The following LRRC61 variants were observed in gnomAD, a reference collection of about 807,000 sequenced individuals.
The protein encoded by LRRC61 is leucine rich repeat containing 61.
LRRC61 carries 9 observed loss-of-function variants against 15.1 expected under a neutral mutation model. That is an observed-to-expected ratio of 0.60 (90% confidence interval 0.36 to 1.04). The LOEUF (loss-of-function observed/expected upper bound fraction) is 1.04, where lower values mean the gene tolerates loss of function less well. LRRC61 is among the 50% of genes least tolerant of loss of function. The probability of loss-of-function intolerance (pLI) is 0.01; values close to 1 mark genes in which losing one functional copy is unlikely to be tolerated. For synonymous variants in LRRC61, 173 were observed against 158.6 expected, an observed-to-expected ratio of 1.09 and a Z score of -0.68; for missense variants, 344 against 335.6, an observed-to-expected ratio of 1.03 and a Z score of -0.20.
chr7:150,335,001 G>A lies in LRRC61; in HGVS notation c.-144-1717G>A, dbSNP rs1798242698. Among the ~76,000 whole-genome samples, 1 of 147,018 alleles carries A rather than the reference G, an allele frequency of 6.8e-6. No homozygotes were observed. The highest frequency in any genetic ancestry group is 1.5e-5 in the Non-Finnish European group (1 of 67,416). Reference sequence around the variant, plus strand: ...CGCGCCATTGTGCCATTGCACTCCAGCCAGGGCAACAAGAGTGAAACTCTG... The same window carrying A: ...CGCGCCATTGTGCCATTGCACTCCAACCAGGGCAACAAGAGTGAAACTCTG... On this transcript the variant is annotated intron_variant, in intron 2 of 2. Coordinates refer to ENST00000359623, the MANE Select transcript of LRRC61 (RefSeq NM_001142928.2). The surrounding 1 kb of genome is among the most constrained non-coding windows in gnomAD (Gnocchi z 4.3).
At chr7:150,318,315 T>A (rs1357682288), upstream of LRRC61, among the ~76,000 whole-genome samples, 1 of 151,844 alleles carries the variant, frequency 6.6e-6, no homozygotes, top group East Asian at 1.9e-4. Context: ...TGGAACAGAG[T>A]CTTTCCTAGA....
intron 2 of LRRC61, chr7:150,331,599 A>G (rs1798110589): frequency 5.9e-6 from 1 of 170,050 alleles, no homozygotes; most frequent in Non-Finnish European, 1.4e-5. Flanking sequence ...ATTTTGTACT[A>G]CGTGGCTTTG....
At chr7:150,323,257 A>AC (rs1158266694), upstream of LRRC61, 2 of 237,124 alleles carry the variant, frequency 8.4e-6, no homozygotes, top group Admixed American at 6.2e-5. Context: ...GCGCGCGAAG[A>AC]CCCCCGCAGG....
intron 1 of LRRC61, 30 bp downstream of exon 1, chr7:150,323,590 G>T: frequency 2.2e-6 from 1 of 449,540 alleles, no homozygotes; most frequent in Non-Finnish European, 4.5e-6. Flanking sequence ...CCGAGGTTCA[G>T]GGAAGGGGGC....
At chr7:150,313,181 G>T in the LRRC61 span, among the ~76,000 whole-genome samples, 1 of 151,852 alleles carries the variant, frequency 6.6e-6, no homozygotes, top group Admixed American at 6.6e-5. Context: ...ACCTCCCTTC[G>T]CTGACTCTCT....
chr7:150,336,653 C>G lies in LRRC61; in HGVS notation c.-144-65C>G. ...TTCATGGTAAAAGCAGGGTCAGACT[C>G]CCTGCCGTCACCTGCTGCGTAAGAC... is the stretch of plus-strand genomic sequence containing the variant. On this transcript the variant is annotated intron_variant, in intron 2 of 2. Coordinates refer to ENST00000359623, the MANE Select transcript of LRRC61 (RefSeq NM_001142928.2). The G allele has an allele frequency of 6.3e-6, 4 of 639,096 alleles. No homozygotes were observed. The South Asian group carries it at 8.1e-5, about 13-fold the overall frequency. 39.6% of individuals were successfully genotyped at this position (639,096 alleles called of 1,614,324 possible). A position where few individuals can be genotyped will look rare whatever the true frequency, so the allele number is the denominator to read the frequency against.
chr7:150,311,638 T>C, the LRRC61 span, among the ~76,000 whole-genome samples: 1 of 152,160 alleles, frequency 6.6e-6, no homozygotes, highest in Non-Finnish European at 1.5e-5. Context: ...CTAATACACA[T>C]AGCATCTTCC....
rs1798368538 is a variant in LRRC61, at chr7:150,338,010, A to T, written c.*369A>T. On this transcript the variant is annotated 3_prime_UTR_variant, in exon 3 of 3. Transcript: ENST00000359623. ...CTGTTGGGAGACAGTAGGCAGGCTG[A>T]GTGGCCCAGAGCACTCCTGGAAGTG... 2.5e-6 allele frequency: 1 copy of T among 405,944 alleles called. No homozygotes were observed. The highest frequency in any genetic ancestry group is 2.2e-5 in the African/African-American group (1 of 45,588). 25.1% of individuals were successfully genotyped at this position (405,944 alleles called of 1,614,324 possible).
chr7:150,321,648 G>A (rs1797526903), upstream of LRRC61, among the ~76,000 whole-genome samples: 1 of 152,190 alleles, frequency 6.6e-6, no homozygotes, highest in African/African-American at 2.4e-5. Context: ...ACTGAGGCAG[G>A]AGAATCGCTT....
upstream of LRRC61, chr7:150,323,337 C>A (rs1042722333): frequency 1.1e-5 from 3 of 274,638 alleles, no homozygotes; most frequent in Non-Finnish European, 2.1e-5. Context: ...TTGGCCAGGC[C>A]CCCTGGGCGC....
At position 150,330,931 on chromosome 7, in the gene LRRC61, T is replaced by C. The variant is rs1316866790; in HGVS notation, c.-145+4921T>C. The C allele has an allele frequency of 6.2e-7, 1 of 1,612,872 alleles. No individual in the cohort carries two copies. The highest frequency in any genetic ancestry group is 1.1e-5 in the South Asian group (1 of 91,064). On this transcript the variant is annotated intron_variant, in intron 2 of 2. Transcript: ENST00000359623. The surrounding 1 kb of genome is among the most constrained non-coding windows in gnomAD (Gnocchi z 4.6). ...GGCTTGCTGGAGAGCATGGGGCTGC[T>C]GGCCTCTGAGAGAAGCGGGGGCTCG...
At chr7:150,328,682 TG>T (rs1798019201) in intron 2 of LRRC61, 1 of 152,258 alleles carries the variant, frequency 6.6e-6, no homozygotes, top group African/African-American at 2.4e-5. Flanking sequence ...ACGCTGGCTG[TG>T]CACACCACAT....
At chr7:150,310,618 C>T in the LRRC61 span, among the ~76,000 whole-genome samples, 1 of 152,196 alleles carries the variant, frequency 6.6e-6, no homozygotes, top group East Asian at 1.9e-4. Context: ...TCTTTACCAT[C>T]CCCTTGCATC....
chr7:150,331,083 A>C (rs754425171), intron 2 of LRRC61: 50 of 1,613,394 alleles, frequency 3.1e-5, no homozygotes, highest in Non-Finnish European at 4.0e-5. Context: ...GCCACCATCT[A>C]TCTGTCTTAC....
At position 150,335,115 on chromosome 7, in the gene LRRC61, C is replaced by T. The variant is rs908635083; in HGVS notation, c.-144-1603C>T. 1.3e-5 allele frequency among the ~76,000 whole-genome samples: 2 copies of T among 151,874 alleles called. No individual in the cohort carries two copies. The highest frequency in any genetic ancestry group is 4.8e-5 in the African/African-American group (2 of 41,366). On this transcript the variant is annotated intron_variant, in intron 2 of 2. Coordinates refer to ENST00000359623, the MANE Select transcript of LRRC61 (RefSeq NM_001142928.2). The surrounding 1 kb of genome is among the most constrained non-coding windows in gnomAD (Gnocchi z 4.3). ...CCCCAGTCGTCCTAGGCTCTTTTTC[C>T]TCCTCCCCATTGCTTCCTGCCCTCC...
At chr7:150,325,491 A>G (rs1457470838) in intron 1 of LRRC61, among the ~76,000 whole-genome samples, 1 of 152,194 alleles carries the variant, frequency 6.6e-6, no homozygotes, top group East Asian at 1.9e-4. Flanking sequence ...TTTTTGAGAC[A>G]GGGTCTGGCT....
Position 150,335,207 on chromosome 7 carries a change from C to T in LRRC61, c.-144-1511C>T, listed in dbSNP as rs1008575195. Among the ~76,000 whole-genome samples the T allele has an allele frequency of 1.3e-5, 2 of 152,174 alleles. No individual in the cohort carries two copies. The highest frequency in any genetic ancestry group is 4.8e-5 in the African/African-American group (2 of 41,438). ...AGTGCCTGGTGCTCCTCCTGCACCCCCCACGTTAGGGGCCAGAGCAGCTTT... is the reference window on the plus strand; with the variant it reads ...AGTGCCTGGTGCTCCTCCTGCACCCTCCACGTTAGGGGCCAGAGCAGCTTT... On this transcript the variant is annotated intron_variant, in intron 2 of 2. Transcript: ENST00000359623. This position sits in a 1 kb window ranked among gnomAD's most constrained non-coding sequence, Gnocchi z 4.3.
At chr7:150,319,400 T>C (rs1484243347), upstream of LRRC61, among the ~76,000 whole-genome samples, 1 of 151,900 alleles carries the variant, frequency 6.6e-6, no homozygotes, top group Non-Finnish European at 1.5e-5. Context: ...AGAAACGGGG[T>C]TTCTCCATGT....
At chr7:150,309,947 A>T in the LRRC61 span, among the ~76,000 whole-genome samples, 324 of 152,160 alleles carry the variant, frequency 2.1e-3, 5 homozygotes, top group East Asian at 0.056. Context: ...CCCACTCCAC[A>T]TTACCTTCTT....
Sources: allele counts gnomAD v4.1 joint callset (sites outside exome capture counted in the v4.1 genomes callset), GRCh38; gene constraint gnomAD v4.1.1; non-coding constraint Gnocchi (gnomAD v3.1); transcripts MANE v1.5; gene names NCBI Gene and HGNC (gene_info 2026-07-23, HGNC 2026-07-21).